Variants in PRICKLE1 observed in about 807,000 individuals in gnomAD.
PRICKLE1 encodes prickle-like protein 1.
PRICKLE1 carries 14 observed loss-of-function variants against 70.2 expected under a neutral mutation model. The ratio of observed to expected loss-of-function variants is 0.20; its 90% confidence interval spans 0.13 to 0.31. The LOEUF (loss-of-function observed/expected upper bound fraction) is 0.31. Among genes scored for constraint, PRICKLE1 ranks in the 10% least tolerant of loss-of-function variants. PRICKLE1 has a pLI of 1.00. For synonymous variants in PRICKLE1, 357 were observed against 379.9 expected, an observed-to-expected ratio of 0.94 and a Z score of 0.70; for missense variants, 821 against 1,026.2, an observed-to-expected ratio of 0.80 and a Z score of 2.73.
In PRICKLE1 at chr12:42,468,848, G is replaced by T. The variant is rs774551314; in HGVS notation, c.385-19C>A. The T allele has an allele frequency of 6.2e-7, 1 of 1,609,500 alleles. No individual in the cohort carries two copies. The highest frequency in any genetic ancestry group is 8.5e-7 in the Non-Finnish European group (1 of 1,176,186). On this transcript the variant is annotated intron_variant, in intron 4 of 7. Coordinates refer to ENST00000345127, the MANE Select transcript of PRICKLE1 (RefSeq NM_153026.3). ...AACCACACTACAAACAAATGGGTTT[G>T]AATGTAAAAGGATCATTTTTTAAAG...
chr12:42,559,233 C>T (rs1566126135), intron 1 of PRICKLE1, among the ~76,000 whole-genome samples: 2 of 152,100 alleles, frequency 1.3e-5, no homozygotes, highest in African/African-American at 2.4e-5. Context: ...CCTATATAAG[C>T]CATTTGAACT....
Position 42,589,621 on chromosome 12 carries a change from G to C in PRICKLE1, c.-205C>G, listed in dbSNP as rs1941047104. On this transcript the variant is annotated 5_prime_UTR_variant, in exon 1 of 8. Coordinates refer to ENST00000345127, the MANE Select transcript of PRICKLE1 (RefSeq NM_153026.3). This position sits in a 1 kb window ranked among gnomAD's most constrained non-coding sequence, Gnocchi z 5.0. ...ACCATCCAGAGCCCAGAAAGTCTCC[G>C]TGCCGACCGCGGCGCGTCTCGGGGA... The C allele has an allele frequency of 6.6e-6, 1 of 152,356 alleles. No homozygotes were observed. 9.4% of individuals were successfully genotyped at this position (152,356 alleles called of 1,614,324 possible). A position where few individuals can be genotyped will look rare whatever the true frequency, so the allele number is the denominator to read the frequency against.
intron 1 of PRICKLE1, among the ~76,000 whole-genome samples, chr12:42,573,655 C>CA (rs1940759026): frequency 6.6e-6 from 1 of 152,020 alleles, no homozygotes; most frequent in Non-Finnish European, 1.5e-5. Context: ...CTACGGCCTC[C>CA]ATCTCCCAGG....
At chr12:42,508,899 A>G (rs916363172) in intron 1 of PRICKLE1, among the ~76,000 whole-genome samples, 2 of 152,198 alleles carry the variant, frequency 1.3e-5, no homozygotes, top group Non-Finnish European at 2.9e-5. Flanking sequence ...ATGATCTCTA[A>G]GTTCTTTTGG....
intron 1 of PRICKLE1, among the ~76,000 whole-genome samples, chr12:42,556,897 C>T (rs971697518): frequency 5.3e-5 from 8 of 152,150 alleles, no homozygotes; most frequent in African/African-American, 1.4e-4. Flanking sequence ...GGCACCCAGA[C>T]TAGAATAAGA....
At chr12:42,587,050 A>T (rs1592049391) in intron 1 of PRICKLE1, among the ~76,000 whole-genome samples, 1 of 152,338 alleles carries the variant, frequency 6.6e-6, no homozygotes, top group Non-Finnish European at 1.5e-5. Context: ...TTACACCACC[A>T]CACACCATGG....
intron 1 of PRICKLE1, among the ~76,000 whole-genome samples, chr12:42,585,370 G>A (rs1940970510): frequency 1.3e-5 from 2 of 152,054 alleles, no homozygotes; most frequent in Admixed American, 6.6e-5. Flanking sequence ...TTCCTGGAGA[G>A]GTCCCTTCAA....
intron 1 of PRICKLE1, among the ~76,000 whole-genome samples, chr12:42,545,201 G>A (rs1465731218): frequency 8.6e-5 from 13 of 152,004 alleles, no homozygotes; most frequent in Non-Finnish European, 1.2e-4. Flanking sequence ...ATGGGGTTTC[G>A]CCATGTTGCC....
Position 42,537,543 on chromosome 12 carries a change from A to G in PRICKLE1, c.-49+51922T>C, listed in dbSNP as rs762285431. Among the ~76,000 whole-genome samples, 48 of 152,200 alleles carry G rather than the reference A, an allele frequency of 3.2e-4. 1 individual carries two copies. Among genetic ancestry groups the G allele is most frequent in the Non-Finnish European group, 6.9e-4 (47 of 68,040 alleles). On this transcript the variant is annotated intron_variant, in intron 1 of 7. Transcript: ENST00000345127. ...AAAACGCAGTAATATTGACCATATCAAACAGGCTTGAATACCAACTCTGTT... is the reference window on the plus strand; with the variant it reads ...AAAACGCAGTAATATTGACCATATCGAACAGGCTTGAATACCAACTCTGTT...
At chr12:42,504,374 A>G (rs1035336797) in intron 1 of PRICKLE1, among the ~76,000 whole-genome samples, 2 of 150,384 alleles carry the variant, frequency 1.3e-5, no homozygotes, top group Non-Finnish European at 2.9e-5. Flanking sequence ...GGGGAATCAA[A>G]GAATACCTGC....
At chr12:42,505,125 T>A (rs1939386464) in intron 1 of PRICKLE1, among the ~76,000 whole-genome samples, 1 of 151,760 alleles carries the variant, frequency 6.6e-6, no homozygotes, top group African/African-American at 2.4e-5. Flanking sequence ...GGCAACAGAG[T>A]GAGACTCCAT....
At chr12:42,490,597 G>T (rs1939081505) in intron 1 of PRICKLE1, among the ~76,000 whole-genome samples, 1 of 152,218 alleles carries the variant, frequency 6.6e-6, no homozygotes, top group Non-Finnish European at 1.5e-5. Context: ...CAAGGGGAGA[G>T]AAGATAGTCG....
chr12:42,502,916 A>T (rs1291915680), intron 1 of PRICKLE1, among the ~76,000 whole-genome samples: 4 of 152,206 alleles, frequency 2.6e-5, no homozygotes, highest in African/African-American at 9.7e-5. Context: ...AGAGTATGCA[A>T]ACTTGCAGTT....
intron 1 of PRICKLE1, among the ~76,000 whole-genome samples, chr12:42,558,947 T>C (rs1592027931): frequency 6.6e-6 from 1 of 152,334 alleles, no homozygotes; most frequent in South Asian, 2.1e-4. Context: ...CCAAATCGCA[T>C]GATTGTATAA....
chr12:42,559,625 T>TA (rs1491144082), intron 1 of PRICKLE1, among the ~76,000 whole-genome samples: 887 of 19,414 alleles, frequency 0.046, 5 homozygotes, highest in Non-Finnish European at 0.099. Context: ...TATATATATA[T>TA]TTTTTTTTTT....
rs34355848 is a variant in PRICKLE1, at chr12:42,549,119, CAAAAAAAAAAAAA to C, written c.-49+40333_-49+40345del. Among the ~76,000 whole-genome samples the C allele has an allele frequency of 7.6e-3, 408 of 54,006 alleles. 1 individual carries two copies. The highest frequency in any genetic ancestry group is 0.011 in the Non-Finnish European group (338 of 32,042). 35.4% of individuals were successfully genotyped at this position (54,006 alleles called of 152,430 possible). On this transcript the variant is annotated intron_variant, in intron 1 of 7. Coordinates refer to ENST00000345127, the MANE Select transcript of PRICKLE1 (RefSeq NM_153026.3). ...GGGCAACAGAGTGAGACCCTGTCTC[CAAAAAAAAAAAAA>C]AAAAAAAAAAAACCTAGATAAAGAT... is the stretch of plus-strand genomic sequence containing the variant.
intron 1 of PRICKLE1, among the ~76,000 whole-genome samples, chr12:42,506,241 G>GTTTTTTTTTTTTTTTTTTTTTT (rs774029085): frequency 8.2e-6 from 1 of 122,098 alleles, no homozygotes. Context: ...AGTAAAAAAT[G>GTTTTTTTTTTTTTTTTTTTTTT]TTCTTTTTTC....
chr12:42,504,547 G>A (rs935324838), intron 1 of PRICKLE1, among the ~76,000 whole-genome samples: 1 of 152,310 alleles, frequency 6.6e-6, no homozygotes, highest in South Asian at 2.1e-4. Flanking sequence ...TGAAACTGCT[G>A]AATGAGATTT....
chr12:42,529,295 C>A (rs1566114909), intron 1 of PRICKLE1, among the ~76,000 whole-genome samples: 1 of 152,174 alleles, frequency 6.6e-6, no homozygotes, highest in Non-Finnish European at 1.5e-5. Context: ...AGCAATCCTG[C>A]AGATGGCAAA....
Sources: allele counts gnomAD v4.1 joint callset (sites outside exome capture counted in the v4.1 genomes callset), GRCh38; gene constraint gnomAD v4.1.1; non-coding constraint Gnocchi (gnomAD v3.1); transcripts MANE v1.5; gene names NCBI Gene and HGNC (gene_info 2026-07-23, HGNC 2026-07-21).